The following RBFOX1 variants were observed in gnomAD, a reference collection of about 807,000 sequenced individuals.
RBFOX1 encodes the protein RNA binding fox-1 homolog 1, also known as RNA binding protein fox-1 homolog 1.
A neutral mutation model predicts 57.7 loss-of-function variants in RBFOX1; 8 were observed. The observed-to-expected ratio is 0.14, with a 90% CI of 0.08 to 0.25. The LOEUF is 0.25. RBFOX1 is among the 10% of genes least tolerant of loss of function. The pLI is 1.00. For synonymous variants in RBFOX1, 326 were observed against 222.4 expected, an observed-to-expected ratio of 1.47 and a Z score of -4.15; for missense variants, 611 against 548.5, an observed-to-expected ratio of 1.11 and a Z score of -1.14.
intron 4 of RBFOX1, among the ~76,000 whole-genome samples, chr16:7,272,859 C>T (rs962237214): frequency 1.4e-5 from 2 of 140,180 alleles, no homozygotes; most frequent in South Asian, 2.4e-4. Context: ...CCCTTCTTCC[C>T]TTCCGTTCTT....
chr16:5,662,003 G>A (rs1474533135), intron 3 of RBFOX1, among the ~76,000 whole-genome samples: 2 of 152,048 alleles, frequency 1.3e-5, no homozygotes, highest in Non-Finnish European at 2.9e-5. Context: ...TAGCAGGGTG[G>A]TCTCCATCTC....
chr16:6,728,716 T>C (rs968522618), intron 3 of RBFOX1, among the ~76,000 whole-genome samples: 1 of 152,188 alleles, frequency 6.6e-6, no homozygotes, highest in African/African-American at 2.4e-5. Flanking sequence ...AGGCATTTTA[T>C]ATTTAATGCT....
Position 6,959,152 on chromosome 16 carries a change from A to G in RBFOX1, c.-15-92905A>G, listed in dbSNP as rs79397201. On this transcript the variant is annotated intron_variant, in intron 3 of 15. Coordinates refer to ENST00000550418, the MANE Select transcript of RBFOX1 (RefSeq NM_018723.4). The stretch of plus-strand genomic sequence containing the variant: ...TTAAAATCCACTTTTTCAGACTACG[A>G]TGGATTGGAAAGCCTGGGCCTTTTC... Among the ~76,000 whole-genome samples the G allele has an allele frequency of 8.7e-3, 1,322 of 152,140 alleles. 47 individuals carry two copies. The South Asian group carries it at 0.12, about 14-fold the overall frequency.
At chr16:5,760,756 A>T (rs2053565566) in intron 3 of RBFOX1, among the ~76,000 whole-genome samples, 1 of 152,216 alleles carries the variant, frequency 6.6e-6, no homozygotes, top group African/African-American at 2.4e-5. Flanking sequence ...AGTAATGACA[A>T]AAACCGCAGT....
At chr16:5,275,765 C>T (rs759458522) in intron 1 of RBFOX1, among the ~76,000 whole-genome samples, 11 of 152,172 alleles carry the variant, frequency 7.2e-5, no homozygotes, top group Non-Finnish European at 1.2e-4. Flanking sequence ...CTAGAGGCAT[C>T]ACATTACCCA....
At chr16:5,349,141 A>G (rs765624374) in intron 1 of RBFOX1, among the ~76,000 whole-genome samples, 8 of 152,224 alleles carry the variant, frequency 5.3e-5, no homozygotes, top group Non-Finnish European at 1.0e-4. Flanking sequence ...ATATGCAACA[A>G]CATGGCTGAA....
chr16:5,353,521 G>A (rs2065311122), intron 1 of RBFOX1, among the ~76,000 whole-genome samples: 2 of 152,124 alleles, frequency 1.3e-5, no homozygotes, highest in African/African-American at 4.8e-5. Flanking sequence ...TGCAAATGCA[G>A]GATGGATTTA....
intron 4 of RBFOX1, among the ~76,000 whole-genome samples, chr16:7,377,839 C>T (rs2097712670): frequency 1.3e-5 from 2 of 152,096 alleles, no homozygotes; most frequent in African/African-American, 4.8e-5. Context: ...GTAACAAGCA[C>T]AGTGAAGTGA....
At chr16:5,434,830 T>C (rs2067867932) in intron 1 of RBFOX1, among the ~76,000 whole-genome samples, 1 of 152,188 alleles carries the variant, frequency 6.6e-6, no homozygotes, top group Non-Finnish European at 1.5e-5. Context: ...ACCTGCCTAA[T>C]GTTAAATAGT....
At chr16:6,527,070 C>T (rs1275117675) in intron 2 of RBFOX1, among the ~76,000 whole-genome samples, 1 of 151,874 alleles carries the variant, frequency 6.6e-6, no homozygotes, top group Admixed American at 6.6e-5. Flanking sequence ...CTATATTTTT[C>T]CATTAGTCTC....
chr16:5,902,387 A>G (rs1179633666), intron 4 of RBFOX1, among the ~76,000 whole-genome samples: 3 of 152,040 alleles, frequency 2.0e-5, no homozygotes, highest in Admixed American at 1.3e-4. Flanking sequence ...CTTTGAAGAG[A>G]TGTTCCTTAA....
chr16:7,325,075 A>G (rs2096593903), intron 4 of RBFOX1, among the ~76,000 whole-genome samples: 1 of 152,188 alleles, frequency 6.6e-6, no homozygotes, highest in African/African-American at 2.4e-5. Flanking sequence ...CATTTGAGCA[A>G]TTAGCGGTTG....
intron 4 of RBFOX1, among the ~76,000 whole-genome samples, chr16:7,113,928 C>T (rs970266869): frequency 3.4e-4 from 51 of 152,084 alleles, no homozygotes; most frequent in African/African-American, 1.2e-3. Flanking sequence ...AGGATATATT[C>T]CTAGAAGTAG....
At chr16:7,603,014 A>G (rs1310151578) in intron 9 of RBFOX1, among the ~76,000 whole-genome samples, 1 of 152,234 alleles carries the variant, frequency 6.6e-6, no homozygotes, top group Non-Finnish European at 1.5e-5. Context: ...AATTTTAAAA[A>G]TTCTTGACAT....
intron 3 of RBFOX1, among the ~76,000 whole-genome samples, chr16:5,612,002 C>G (rs1346309441): frequency 6.6e-6 from 1 of 151,816 alleles, no homozygotes; most frequent in Non-Finnish European, 1.5e-5. Flanking sequence ...GTAGCATGCA[C>G]CTGTGGTCCC....
At chr16:6,823,040 T>G (rs1422280234) in intron 3 of RBFOX1, among the ~76,000 whole-genome samples, 1 of 152,130 alleles carries the variant, frequency 6.6e-6, no homozygotes, top group Non-Finnish European at 1.5e-5. Flanking sequence ...GATGTCATGT[T>G]TGTTATTGGC....
At chr16:7,043,692 A>C (rs976321301) in intron 3 of RBFOX1, among the ~76,000 whole-genome samples, 1 of 152,224 alleles carries the variant, frequency 6.6e-6, no homozygotes, top group African/African-American at 2.4e-5. Context: ...TATTGTGGAC[A>C]TGAAAACATG....
chr16:7,182,028 C>T (rs373788131), intron 4 of RBFOX1, among the ~76,000 whole-genome samples: 25 of 152,268 alleles, frequency 1.6e-4, no homozygotes, highest in Admixed American at 1.3e-3. Context: ...ATATACATGA[C>T]ACAAATCACT....
At chr16:5,548,744 G>A (rs1278895502) in intron 2 of RBFOX1, among the ~76,000 whole-genome samples, 4 of 152,260 alleles carry the variant, frequency 2.6e-5, no homozygotes, top group South Asian at 4.2e-4. Flanking sequence ...TGAGATGAGA[G>A]TTCATGGATG....
Sources: gnomAD v4.1 joint callset for allele counts (sites outside exome capture counted in the v4.1 genomes callset) on GRCh38, gnomAD v4.1.1 for gene constraint, MANE v1.5 for transcripts, NCBI Gene and HGNC (gene_info 2026-07-23, HGNC 2026-07-21) for gene names.